Variants in AGL observed in about 807,000 individuals in gnomAD.
AGL encodes amylo-alpha-1,6-glucosidase and 4-alpha-glucanotransferase.
In AGL, 128 loss-of-function variants were observed where a neutral mutation model predicts 199.3. The observed-to-expected ratio is 0.64, with a 90% CI of 0.56 to 0.74. The LOEUF (loss-of-function observed/expected upper bound fraction) is 0.74, where lower values mean the gene tolerates loss of function less well. Among genes scored for constraint, AGL ranks in the 30% least tolerant of loss-of-function variants. The probability of loss-of-function intolerance (pLI) is 0.00; values close to 1 mark genes in which losing one functional copy is unlikely to be tolerated. For synonymous variants in AGL, 584 were observed against 594.7 expected (o/e 0.98, Z 0.26); for missense variants, 1,809 against 1,820.8 (o/e 0.99, Z 0.12).
At position 99,896,319 on chromosome 1, in the gene AGL, G is replaced by T. The variant is rs761072908; in HGVS notation, c.3293G>T (p.Cys1098Phe). Residue 1098 changes from cysteine to phenylalanine, a missense_variant, in exon 25 of 34, where the codon TGC becomes TTC. Cys to Phe is a radical substitution (Grantham distance 205). Coordinates refer to ENST00000361915, the MANE Select transcript of AGL (RefSeq NM_000642.3). The part of the protein sequence containing the change: ...LPHFSSGIFR[C>F]WGRDTFIALR... Reference sequence around the variant, plus strand: ...CATTTTTCTTCTGGTATTTTCCGCTGCTGGGGAAGGGATACTTTTATTGCA... The same window carrying T: ...CATTTTTCTTCTGGTATTTTCCGCTTCTGGGGAAGGGATACTTTTATTGCA... 1.9e-6 allele frequency: 3 copies of T among 1,613,796 alleles called. No homozygotes were observed. The highest frequency in any genetic ancestry group is 1.7e-5 in the Admixed American group (1 of 59,980).
At chr1:99,874,478 A>T in intron 7 of AGL, 1 of 525,298 alleles carries the variant, frequency 1.9e-6, no homozygotes, top group Non-Finnish European at 3.4e-6. Context: ...TTTCTCCCCC[A>T]CACCCCTCGT....
chr1:99,899,373 C>G (rs1553189960), intron 25 of AGL, among the ~76,000 whole-genome samples: 1 of 152,052 alleles, frequency 6.6e-6, no homozygotes, highest in Non-Finnish European at 1.5e-5. Context: ...TTCTAGAGTG[C>G]CTTTCTGTCT....
intron 24 of AGL, among the ~76,000 whole-genome samples, chr1:99,893,650 T>C (rs1653080126): frequency 1.3e-5 from 2 of 152,208 alleles, no homozygotes; most frequent in Admixed American, 1.3e-4. Flanking sequence ...TTAAACGATA[T>C]ACTGATATAA....
intron 30 of AGL, 149 bp downstream of exon 30, chr1:99,913,887 C>G (rs1473759224): frequency 2.3e-5 from 18 of 791,316 alleles, no homozygotes; most frequent in Non-Finnish European, 2.1e-5. Context: ...CCTAATTAAT[C>G]AAGTATTATG....
Position 99,892,585 on chromosome 1 carries a change from A to G in AGL, c.3237A>G (p.Gln1079=), listed in dbSNP as rs757615870. 3.1e-6 allele frequency: 5 copies of G among 1,613,526 alleles called. No homozygotes were observed. The highest frequency in any genetic ancestry group is 2.2e-5 in the South Asian group (2 of 91,064). ...ATGAGATCACAAAAGAAAAGGAGCAATGTTGTGTTTCTCTAGCTGCAGGTA... is the reference window on the plus strand; with the variant it reads ...ATGAGATCACAAAAGAAAAGGAGCAGTGTTGTGTTTCTCTAGCTGCAGGTA... ...RLNEITKEKE[Q]CCVSLAAGLP... Residue 1079 remains glutamine (Q), a synonymous_variant, in exon 24 of 34, where the codon CAA becomes CAG. Coordinates refer to ENST00000361915, the MANE Select transcript of AGL (RefSeq NM_000642.3).
intron 2 of AGL, chr1:99,852,828 A>G: frequency 1.4e-6 from 1 of 731,374 alleles, no homozygotes; most frequent in Non-Finnish European, 2.5e-6. Flanking sequence ...GAATCACTCC[A>G]TGTATTCCCA....
At chr1:99,918,272 G>A (rs1310914140) in intron 33 of AGL, among the ~76,000 whole-genome samples, 1 of 152,126 alleles carries the variant, frequency 6.6e-6, no homozygotes, top group Non-Finnish European at 1.5e-5. Context: ...CCATGCTGGT[G>A]TTTTTCATTT....
At chr1:99,880,129 T>TG in intron 13 of AGL, 83 bp downstream of exon 13, 1 of 1,568,366 alleles carries the variant, frequency 6.4e-7, no homozygotes, top group Non-Finnish European at 8.7e-7. Context: ...TCATATGCAA[T>TG]GCTTAATAAT....
At chr1:99,899,884 T>C (rs1290121735) in intron 25 of AGL, among the ~76,000 whole-genome samples, 2 of 151,434 alleles carry the variant, frequency 1.3e-5, no homozygotes, top group South Asian at 4.2e-4. Context: ...CCTCCCAAAG[T>C]GCTAGGATTA....
intron 17 of AGL, among the ~76,000 whole-genome samples, chr1:99,883,719 G>T (rs1243787050): frequency 3.9e-5 from 6 of 152,116 alleles, no homozygotes; most frequent in African/African-American, 1.2e-4. Context: ...AGTGAAGAAT[G>T]GGTACACAGA....
chr1:99,900,771 A>G lies in AGL; in HGVS notation c.3498A>G (p.Lys1166=), dbSNP rs957371618. Residue 1166 remains lysine, a synonymous_variant, in exon 26 of 34, where the codon AAA becomes AAG. Transcript: ENST00000361915. The stretch of plus-strand genomic sequence containing the variant: ...TGCAGTGTATCCAGGATTACTGTAA[A>G]ATGGTTCCAAATGGTCTAGACATTC... ...WWLQCIQDYC[K]MVPNGLDILK... 1.9e-6 allele frequency: 3 copies of G among 1,614,080 alleles called. No homozygotes were observed. The highest frequency in any genetic ancestry group is 2.5e-6 in the Non-Finnish European group (3 of 1,179,980).
chr1:99,869,376 A>C (rs915361151), intron 5 of AGL, among the ~76,000 whole-genome samples: 2 of 152,192 alleles, frequency 1.3e-5, no homozygotes, highest in Non-Finnish European at 2.9e-5. Context: ...TACTAAATAA[A>C]TGACTGAAAC....
At chr1:99,912,582 A>G in intron 29 of AGL, 65 bp downstream of exon 29, 1 of 1,175,412 alleles carries the variant, frequency 8.5e-7, no homozygotes, top group Admixed American at 1.8e-5. Context: ...AACCTATGTA[A>G]TCATCATTTG....
At chr1:99,919,395 G>A (rs1350011575) in intron 33 of AGL, among the ~76,000 whole-genome samples, 1 of 152,012 alleles carries the variant, frequency 6.6e-6, no homozygotes, top group African/African-American at 2.4e-5. Context: ...TTGCTTTCTG[G>A]CCCAGCAAGG....
intron 26 of AGL, 51 bp from the exon 27 acceptor site, chr1:99,902,632 T>G (rs868210202): frequency 1.4e-6 from 2 of 1,412,204 alleles, no homozygotes; most frequent in South Asian, 2.3e-5. Context: ...TGGGGGAAAA[T>G]AAGAAAAATG....
intron 2 of AGL, among the ~76,000 whole-genome samples, chr1:99,856,162 C>T (rs969622575): frequency 4.6e-5 from 7 of 152,096 alleles, no homozygotes; most frequent in African/African-American, 7.2e-5. Context: ...ACTGTAGGCT[C>T]TCTGATGTTT....
At chr1:99,893,751 A>G (rs934787736) in intron 24 of AGL, among the ~76,000 whole-genome samples, 2 of 152,224 alleles carry the variant, frequency 1.3e-5, no homozygotes, top group Non-Finnish European at 2.9e-5. Context: ...TAGAAGTGTG[A>G]TATTTGCTCC....
In AGL at chr1:99,915,419, T is replaced by A. The variant is rs1042090; in HGVS notation, c.4192T>A (p.Trp1398Arg). The A allele has an allele frequency of 6.2e-7, 1 of 1,613,996 alleles. No individual in the cohort carries two copies. The highest frequency in any genetic ancestry group is 1.1e-5 in the South Asian group (1 of 91,078). Residue 1398 changes from tryptophan to arginine, a missense_variant, in exon 31 of 34, where the codon TGG (tryptophan) becomes AGG (arginine). Trp to Arg is a moderately radical substitution (Grantham distance 101). Transcript: ENST00000361915. ...APELFTTEKA[W>R]KALEIAEKKL... ...TGAGCTCTTTACTACAGAAAAAGCA[T>A]GGAAAGCTTTGGAGATTGCAGAAAA...
In AGL at chr1:99,884,657, C is replaced by T. The variant is rs771908645; in HGVS notation, c.2635C>T (p.Leu879=). The T allele has an allele frequency of 1.9e-6, 3 of 1,613,870 alleles. No individual in the cohort carries two copies. The highest frequency in any genetic ancestry group is 2.5e-6 in the Non-Finnish European group (3 of 1,179,932). ...CAGTCCTCACTTTAAATCTGGCAGC[C>T]TAGCTGTTGACAATGCAGATCCTAT... is the stretch of plus-strand genomic sequence containing the variant. The part of the protein sequence containing the change: ...QFSPHFKSGS[L]AVDNADPILK... The change falls in exon 20 of 34, where the codon CTA becomes TTA. Residue 879 remains leucine (L), a synonymous_variant. Coordinates refer to ENST00000361915, the MANE Select transcript of AGL (RefSeq NM_000642.3).
Sources: allele counts gnomAD v4.1 joint callset (sites outside exome capture counted in the v4.1 genomes callset), GRCh38; gene constraint gnomAD v4.1.1; transcripts MANE v1.5; gene names NCBI Gene and HGNC (gene_info 2026-07-23, HGNC 2026-07-21).